Variants in ASIC2 observed in about 807,000 individuals in gnomAD.
ASIC2 encodes acid sensing ion channel subunit 2.
Under a neutral mutation model 57.3 loss-of-function variants are expected in ASIC2, and 25 were observed. That is an observed-to-expected ratio of 0.44 (90% CI 0.32 to 0.61). The LOEUF (loss-of-function observed/expected upper bound fraction) is 0.61. Ranked by LOEUF, ASIC2 falls within the 20% of genes least tolerant of loss-of-function variation. The pLI is 0.06. For synonymous variants in ASIC2, 319 were observed against 307.5 expected, an observed-to-expected ratio of 1.04 and a Z score of -0.39; for missense variants, 641 against 738.1, an observed-to-expected ratio of 0.87 and a Z score of 1.52.
intron 1 of ASIC2, among the ~76,000 whole-genome samples, chr17:33,257,437 G>T (rs1909120029): frequency 2.0e-5 from 3 of 152,334 alleles, no homozygotes; most frequent in Admixed American, 6.5e-5. Context: ...TGAGAGGAGG[G>T]TTGTTATTTC....
rs145115976 is a variant in ASIC2 at position 34,136,497 on chromosome 17, C to T, written c.555+19481G>A. ...CCTACTTACTTAATTCAATGATTTC[C>T]TTATGCTGACTTCAACTCTTGAGGC... On this transcript the variant is annotated intron_variant, in intron 1 of 9. Coordinates refer to the ASIC2 transcript ENST00000359872. 2.7e-3 allele frequency among the ~76,000 whole-genome samples: 414 copies of T among 152,316 alleles called. 2 individuals are homozygous for T. Among genetic ancestry groups the T allele is most frequent in the African/African-American group, 9.7e-3 (402 of 41,574 alleles).
intron 1 of ASIC2, among the ~76,000 whole-genome samples, chr17:33,197,306 T>C (rs1009671865): frequency 3.3e-5 from 5 of 152,168 alleles, no homozygotes; most frequent in Admixed American, 2.0e-4. Flanking sequence ...AGTTCAAACA[T>C]CAGCTCTGCC....
chr17:33,549,329 C>G (rs896754644), intron 1 of ASIC2, among the ~76,000 whole-genome samples: 49 of 152,088 alleles, frequency 3.2e-4, no homozygotes, highest in African/African-American at 1.0e-3. Context: ...CCTACTGGCC[C>G]TCAGCAAAGC....
chr17:33,446,799 C>T (rs1240013427), intron 1 of ASIC2, among the ~76,000 whole-genome samples: 8 of 152,150 alleles, frequency 5.3e-5, no homozygotes, highest in Non-Finnish European at 1.0e-4. Context: ...GTCAAAAGAA[C>T]ACAAATCAGT....
intron 3 of ASIC2, among the ~76,000 whole-genome samples, chr17:33,035,142 G>A (rs946583090): frequency 3.9e-5 from 6 of 152,166 alleles, no homozygotes; most frequent in African/African-American, 1.4e-4. Context: ...TTCAGATGGT[G>A]TGATTTTCAG....
At chr17:33,175,528 CT>C (rs11350163) in intron 1 of ASIC2, among the ~76,000 whole-genome samples, 85,230 of 151,322 alleles carry the variant, frequency 0.56, 24,476 homozygotes, top group Non-Finnish European at 0.63. Flanking sequence ...AAATACCCTA[CT>C]TTTTTTTTCC....
chr17:34,038,167 A>T, intron 1 of ASIC2: 2 of 1,612,708 alleles, frequency 1.2e-6, no homozygotes. Flanking sequence ...GTTTGAGGTC[A>T]TAGTGTATGA....
At chr17:33,568,026 A>G (rs1916300449) in intron 1 of ASIC2, among the ~76,000 whole-genome samples, 1 of 152,156 alleles carries the variant, frequency 6.6e-6, no homozygotes, top group Non-Finnish European at 1.5e-5. Context: ...GTCACCACCA[A>G]GCCATTTTGT....
intron 1 of ASIC2, among the ~76,000 whole-genome samples, chr17:33,961,170 C>T (rs9900200): frequency 9.2e-5 from 14 of 152,118 alleles, no homozygotes; most frequent in African/African-American, 1.9e-4. Context: ...ATAATTTGAC[C>T]GGCTTTGACC....
rs146936513 is a variant in ASIC2, at chr17:33,723,912, C to T, written c.555+432066G>A. Among the ~76,000 whole-genome samples the T allele has an allele frequency of 6.3e-3, 957 of 152,218 alleles. 11 individuals carry two copies. The highest frequency in any genetic ancestry group is 9.0e-3 in the Non-Finnish European group (615 of 68,020). On this transcript the variant is annotated intron_variant, in intron 1 of 9. Coordinates refer to the ASIC2 transcript ENST00000359872. ...CAACAAAAATAAAGAATTTTCCTGG[C>T]AGAGGAGCTTGAAATCATGCAGGAC...
intron 1 of ASIC2, among the ~76,000 whole-genome samples, chr17:33,857,028 C>T (rs1213037777): frequency 2.6e-5 from 4 of 152,030 alleles, no homozygotes; most frequent in Non-Finnish European, 4.4e-5. Context: ...TTGCTTTCAG[C>T]GGCCAAGAGC....
At chr17:33,799,409 TTCTTTCTTTCTTTCTTTC>T (rs1597880820) in intron 1 of ASIC2, among the ~76,000 whole-genome samples, 37 of 59,394 alleles carry the variant, frequency 6.2e-4, no homozygotes, top group South Asian at 2.1e-3. Context: ...TTTCTTTTCT[TTCTTTCTTTCTTTCTTTC>T]TTCTTTCTTT....
At chr17:33,452,166 C>A (rs1014232615) in intron 1 of ASIC2, among the ~76,000 whole-genome samples, 2 of 152,212 alleles carry the variant, frequency 1.3e-5, no homozygotes, top group African/African-American at 4.8e-5. Flanking sequence ...TGTTAGTATT[C>A]GGATTGTCTA....
chr17:33,284,451 G>A (rs765917320), intron 1 of ASIC2, among the ~76,000 whole-genome samples: 4 of 152,102 alleles, frequency 2.6e-5, no homozygotes, highest in Non-Finnish European at 4.4e-5. Flanking sequence ...GGCAGAGGAG[G>A]ATGCAAATTC....
At chr17:33,109,837 G>C (rs1249672895) in intron 2 of ASIC2, among the ~76,000 whole-genome samples, 2 of 152,176 alleles carry the variant, frequency 1.3e-5, no homozygotes, top group East Asian at 1.9e-4. Flanking sequence ...TTCAAGCCAG[G>C]CCTCAGGGGA....
At chr17:33,832,542 C>T (rs1049540214) in intron 1 of ASIC2, among the ~76,000 whole-genome samples, 1 of 152,186 alleles carries the variant, frequency 6.6e-6, no homozygotes, top group Non-Finnish European at 1.5e-5. Context: ...AGGTTGAAGG[C>T]TATCAAGTTG....
At chr17:34,110,475 C>T (rs576402326) in intron 1 of ASIC2, among the ~76,000 whole-genome samples, 1 of 152,320 alleles carries the variant, frequency 6.6e-6, no homozygotes, top group South Asian at 2.1e-4. Flanking sequence ...GATCATTAGC[C>T]TGGGATTAGC....
At chr17:33,040,689 C>T (rs1438057893) in intron 3 of ASIC2, among the ~76,000 whole-genome samples, 1 of 152,346 alleles carries the variant, frequency 6.6e-6, no homozygotes, top group East Asian at 1.9e-4. Flanking sequence ...AGAAAGCCTT[C>T]TCTCTGAGAA....
chr17:33,297,075 G>A (rs993090858), upstream of ASIC2, among the ~76,000 whole-genome samples: 1 of 152,086 alleles, frequency 6.6e-6, no homozygotes, highest in Admixed American at 6.5e-5. Flanking sequence ...AAATAACTTT[G>A]GTATTTCTTT....
Sources: allele counts gnomAD v4.1 joint callset (sites outside exome capture counted in the v4.1 genomes callset), GRCh38; gene constraint gnomAD v4.1.1; transcripts MANE v1.5; gene names NCBI Gene and HGNC (gene_info 2026-07-23, HGNC 2026-07-21).